CLUAP1: variants seen among roughly 807,000 people sequenced by gnomAD.
The protein encoded by CLUAP1 is intraflagellar transport 38, also known as clusterin-associated protein 1.
CLUAP1 carries 50 observed loss-of-function variants against 55.0 expected under a neutral mutation model. The ratio of observed to expected loss-of-function variants is 0.91; its 90% CI spans 0.72 to 1.15. CLUAP1 has a LOEUF of 1.15. Among genes scored for constraint, CLUAP1 ranks in the 50% most tolerant of loss-of-function variants. The pLI, the probability that CLUAP1 is intolerant of heterozygous loss-of-function variation, is 0.00. For missense variants in CLUAP1, 530 were observed against 507.6 expected (o/e 1.04, Z -0.42); for synonymous variants, 195 against 175.4 (o/e 1.11, Z -0.88).
In CLUAP1 at chr16:3,520,072, G is replaced by A. The variant is rs2037804653; in HGVS notation, c.713+36G>A. 9 of 1,560,152 alleles carry A rather than the reference G, an allele frequency of 5.8e-6. No individual in the cohort carries two copies. In the Middle Eastern group the frequency reaches 1.2e-3, roughly 207 times the overall value. On this transcript the variant is annotated intron_variant, in intron 7 of 11. Coordinates refer to ENST00000576634, the MANE Select transcript of CLUAP1 (RefSeq NM_015041.3). ...ACACTTGGAGAATGAGTAGAAAGAT[G>A]TCCTGGAAAGTTCAAACAAACTGGG...
chr16:3,536,299 T>G lies in CLUAP1; in HGVS notation c.*28T>G. On this transcript the variant is annotated 3_prime_UTR_variant, in exon 12 of 12. Transcript: ENST00000576634. ...CTTTTGCCAAGGGACCCTGGCAGAT[T>G]AAAACCCTCAGACTTGTAGGTAAAT... is the stretch of plus-strand genomic sequence containing the variant. 8 of 1,609,518 alleles carry G rather than the reference T, an allele frequency of 5.0e-6. No homozygotes were observed. Among genetic ancestry groups the G allele is most frequent in the Non-Finnish European group, 6.8e-6 (8 of 1,177,028 alleles).
intron 1 of CLUAP1, among the ~76,000 whole-genome samples, chr16:3,503,195 G>A (rs1004320740): frequency 2.6e-5 from 4 of 151,450 alleles, no homozygotes; most frequent in African/African-American, 4.9e-5. Context: ...ATGGAGTCTC[G>A]CTCTGTCACC....
intron 7 of CLUAP1, among the ~76,000 whole-genome samples, chr16:3,520,471 T>TA (rs2037813354): frequency 6.6e-6 from 1 of 152,166 alleles, no homozygotes; most frequent in South Asian, 2.1e-4. Context: ...AAAAAAGCCT[T>TA]ACATAAGGGT....
chr16:3,523,849 C>A (rs758158474), intron 8 of CLUAP1, among the ~76,000 whole-genome samples: 2 of 152,034 alleles, frequency 1.3e-5, no homozygotes, highest in Non-Finnish European at 2.9e-5. Flanking sequence ...ACCTGTAGTC[C>A]CAGCTACTCG....
At chr16:3,496,237 G>T (rs957591431), upstream of CLUAP1, 6 of 630,820 alleles carry the variant, frequency 9.5e-6, no homozygotes, top group African/African-American at 1.8e-5. Context: ...GGACCTAAAG[G>T]TTCGGCGCAA....
intron 10 of CLUAP1, among the ~76,000 whole-genome samples, chr16:3,532,226 CT>C (rs2038135949): frequency 6.6e-6 from 1 of 152,114 alleles, no homozygotes; most frequent in Admixed American, 6.6e-5. Context: ...TATTTCCCCT[CT>C]TTTCCTTGTA....
chr16:3,521,580 G>A (rs1200195230), intron 7 of CLUAP1, among the ~76,000 whole-genome samples: 1 of 151,558 alleles, frequency 6.6e-6, no homozygotes, highest in Non-Finnish European at 1.5e-5. Context: ...GATTACAGGC[G>A]GCCGCCACCA....
At chr16:3,518,089 A>G (rs1243556524) in intron 6 of CLUAP1, among the ~76,000 whole-genome samples, 1 of 152,204 alleles carries the variant, frequency 6.6e-6, no homozygotes, top group Non-Finnish European at 1.5e-5. Context: ...TTTGTAGGAA[A>G]TACACGCTAA....
chr16:3,506,334 T>C lies in CLUAP1; in HGVS notation c.138T>C (p.Tyr46=), dbSNP rs2037505604. ...CTCCTCTTACCTCTCTTGATAGATATGAGCCCCAGACTGACATCCCGCCTG... is the reference window on the plus strand; with the variant it reads ...CTCCTCTTACCTCTCTTGATAGATACGAGCCCCAGACTGACATCCCGCCTG... ...SEVLLWLVKR[Y]EPQTDIPPDV... Residue 46 remains tyrosine, a synonymous_variant, in exon 3 of 12, where the codon TAT becomes TAC. Coordinates refer to ENST00000576634, the MANE Select transcript of CLUAP1 (RefSeq NM_015041.3). The C allele has an allele frequency of 6.2e-7, 1 of 1,613,344 alleles. No individual in the cohort carries two copies. Among genetic ancestry groups the C allele is most frequent in the Admixed American group, 1.7e-5 (1 of 59,992 alleles).
intron 6 of CLUAP1, among the ~76,000 whole-genome samples, chr16:3,517,340 T>C (rs2037747875): frequency 6.6e-6 from 1 of 152,174 alleles, no homozygotes; most frequent in African/African-American, 2.4e-5. Flanking sequence ...GAAGTCTTGC[T>C]ATGTCACCCA....
intron 4 of CLUAP1, among the ~76,000 whole-genome samples, chr16:3,511,430 C>T (rs2037622721): frequency 6.6e-6 from 1 of 152,180 alleles, no homozygotes; most frequent in African/African-American, 2.4e-5. Flanking sequence ...AACAGCTGCC[C>T]ATCTGTGGAG....
intron 6 of CLUAP1, among the ~76,000 whole-genome samples, chr16:3,519,189 G>A (rs878909255): frequency 3.3e-5 from 5 of 152,186 alleles, no homozygotes; most frequent in Admixed American, 2.6e-4. Context: ...TTGTGTCACC[G>A]TCAGTGGGCC....
chr16:3,533,108 G>A (rs750061208), intron 11 of CLUAP1: 2 of 1,536,118 alleles, frequency 1.3e-6, no homozygotes, highest in South Asian at 2.4e-5. Context: ...GATGGAAGCA[G>A]CACCAGCTCT....
upstream of CLUAP1, among the ~76,000 whole-genome samples, chr16:3,497,418 TTAAA>T (rs2037326281): frequency 6.6e-6 from 1 of 152,132 alleles, no homozygotes; most frequent in African/African-American, 2.4e-5. Flanking sequence ...ATCTAAAGAC[TTAAA>T]TAAATTGGAA....
chr16:3,529,640 ATATTATATATTATTAT>A (rs2038045548), intron 9 of CLUAP1, among the ~76,000 whole-genome samples: 2 of 26,518 alleles, frequency 7.5e-5, no homozygotes, highest in African/African-American at 4.9e-4. Context: ...ATATTATTAT[ATATTATATATTATTAT>A]ATATTATATA....
At chr16:3,506,075 A>G (rs1409146584) in intron 2 of CLUAP1, among the ~76,000 whole-genome samples, 1 of 152,224 alleles carries the variant, frequency 6.6e-6, no homozygotes, top group Non-Finnish European at 1.5e-5. Context: ...GCTTCATGAC[A>G]TGGTGAGATC....
rs1218754953 is a variant in CLUAP1 at position 3,515,574 on chromosome 16, G to A, written c.562G>A (p.Ala188Thr). The A allele has an allele frequency of 6.3e-6, 10 of 1,592,006 alleles. No homozygotes were observed. The Admixed American group carries it at 9.4e-5, about 15-fold the overall frequency. The change falls in exon 6 of 12, where the codon GCA (alanine) becomes ACA (threonine). Residue 188 changes from alanine to threonine, a missense_variant. By Grantham distance (58) the Ala-to-Thr change is moderately conservative. Coordinates refer to ENST00000576634, the MANE Select transcript of CLUAP1 (RefSeq NM_015041.3). ...INETEKVMRI[A>T]IKEILTQVQK... The stretch of plus-strand genomic sequence containing the variant: ...CGAGACTGAAAAAGTGATGAGAATT[G>A]CAATAAAAGAGATTTTGGTAAGATG...
intron 9 of CLUAP1, among the ~76,000 whole-genome samples, chr16:3,526,947 G>C (rs1596400673): frequency 6.6e-6 from 1 of 152,088 alleles, no homozygotes; most frequent in Non-Finnish European, 1.5e-5. Context: ...GCAGGGAGAG[G>C]GGCCGCTCGC....
intron 9 of CLUAP1, among the ~76,000 whole-genome samples, chr16:3,529,621 ATATATTATATATTATTATATATTATATAT>A (rs2038042309): frequency 4.9e-5 from 1 of 20,252 alleles, no homozygotes; most frequent in Non-Finnish European, 7.5e-5. Context: ...ATATAATATT[ATATATTATATATTATTATATATTATATAT>A]TATTATATAT....
Sources: allele counts gnomAD v4.1 joint callset (sites outside exome capture counted in the v4.1 genomes callset), GRCh38; gene constraint gnomAD v4.1.1; transcripts MANE v1.5; gene names NCBI Gene and HGNC (gene_info 2026-07-23, HGNC 2026-07-21).